Variants in AKAP6 observed in about 807,000 individuals in gnomAD.
AKAP6 encodes the protein A-kinase anchor protein 6.
A neutral mutation model predicts 188.5 loss-of-function variants in AKAP6; 58 were observed. That is an observed-to-expected ratio of 0.31 (90% CI 0.25 to 0.38). The LOEUF (loss-of-function observed/expected upper bound fraction) is 0.38, where lower values mean the gene tolerates loss of function less well. AKAP6 is among the 10% of genes least tolerant of loss of function. The pLI, the probability that AKAP6 is intolerant of heterozygous loss-of-function variation, is 1.00. For missense variants in AKAP6, 2,710 were observed against 2,740.0 expected, an observed-to-expected ratio of 0.99 and a Z score of 0.24; for synonymous variants, 989 against 998.6, an observed-to-expected ratio of 0.99 and a Z score of 0.18.
At chr14:32,714,329 A>G (rs1255258167) in intron 9 of AKAP6, among the ~76,000 whole-genome samples, 1 of 152,092 alleles carries the variant, frequency 6.6e-6, no homozygotes, top group African/African-American at 2.4e-5. Flanking sequence ...AGCACATGCT[A>G]TGGAAAAATT....
intron 2 of AKAP6, among the ~76,000 whole-genome samples, chr14:32,443,157 C>T (rs1053227238): frequency 6.6e-5 from 10 of 152,064 alleles, no homozygotes; most frequent in African/African-American, 1.7e-4. Flanking sequence ...GTACTTTGGG[C>T]GGCCGAGGCA....
In AKAP6 at chr14:32,773,870, C is replaced by T; in HGVS notation, c.3565C>T (p.Gln1189Ter). The change falls in exon 12 of 14, where the codon CAA (glutamine) becomes TAA (stop). Residue 1189 changes from glutamine (Q) to a stop codon, truncating the protein, a stop_gained. Transcript: ENST00000280979. LOFTEE classifies it high-confidence loss of function. ...AGCCGTCCAGTGGCAAACACGTCTA[C>T]AAAAGAAGATGGGAAAGGAATCTGT... ...MQAVQWQTRL[Q>*]KKMGKESETL... is the part of the protein sequence containing the mutation. 1 of 1,613,950 alleles carries T rather than the reference C, an allele frequency of 6.2e-7. No homozygotes were observed. The highest frequency in any genetic ancestry group is 8.5e-7 in the Non-Finnish European group (1 of 1,179,920).
rs75864735 is a variant in AKAP6, at chr14:32,360,592, A to G, written c.-35+31184A>G. 1.5e-3 allele frequency among the ~76,000 whole-genome samples: 221 copies of G among 152,176 alleles called. 1 individual carries two copies. Among genetic ancestry groups the G allele is most frequent in the African/African-American group, 5.0e-3 (207 of 41,504 alleles). On this transcript the variant is annotated intron_variant, in intron 1 of 13. Coordinates refer to ENST00000280979, the MANE Select transcript of AKAP6 (RefSeq NM_004274.5). ...AATTTTTTCACTCCTGCATTTATTT[A>G]TTCAATCGTTTATATCAGTATAGGC...
chr14:32,806,687 C>A (rs567426304), intron 12 of AKAP6, among the ~76,000 whole-genome samples: 29 of 151,818 alleles, frequency 1.9e-4, no homozygotes, highest in African/African-American at 6.3e-4. Flanking sequence ...CCTACACACA[C>A]AAAAAAACTC....
chr14:32,796,980 A>ATG (rs2033787628), intron 12 of AKAP6, among the ~76,000 whole-genome samples: 1 of 152,206 alleles, frequency 6.6e-6, no homozygotes, highest in Non-Finnish European at 1.5e-5. Flanking sequence ...AAAAGTGAGC[A>ATG]AAGGACTCTT....
At chr14:32,808,339 T>C (rs2034141260) in intron 12 of AKAP6, among the ~76,000 whole-genome samples, 1 of 152,214 alleles carries the variant, frequency 6.6e-6, no homozygotes, top group Non-Finnish European at 1.5e-5. Context: ...TATTTCCTGA[T>C]GGAACTTTTA....
intron 12 of AKAP6, among the ~76,000 whole-genome samples, chr14:32,812,702 C>T (rs1448146401): frequency 6.6e-6 from 1 of 152,226 alleles, no homozygotes; most frequent in African/African-American, 2.4e-5. Flanking sequence ...CAAGAATTAA[C>T]TTGCTTAAGA....
chr14:32,730,989 C>G (rs1416873975), intron 9 of AKAP6, among the ~76,000 whole-genome samples: 1 of 152,106 alleles, frequency 6.6e-6, no homozygotes, highest in African/African-American at 2.4e-5. Flanking sequence ...GTATCACAGG[C>G]CAGATTCTAA....
At chr14:32,815,018 C>T (rs934843116) in intron 12 of AKAP6, among the ~76,000 whole-genome samples, 1 of 152,222 alleles carries the variant, frequency 6.6e-6, no homozygotes, top group Non-Finnish European at 1.5e-5. Flanking sequence ...AAGAAAACCC[C>T]TGCTTCCCAT....
chr14:32,677,022 C>T (rs530583626), intron 7 of AKAP6, among the ~76,000 whole-genome samples: 1 of 152,218 alleles, frequency 6.6e-6, no homozygotes, highest in South Asian at 2.1e-4. Flanking sequence ...GACGGGGTTT[C>T]GCCATGTTGG....
chr14:32,486,821 C>G (rs1879720130), intron 2 of AKAP6, among the ~76,000 whole-genome samples: 1 of 152,112 alleles, frequency 6.6e-6, no homozygotes, highest in Admixed American at 6.6e-5. Context: ...TTTCTCTTGC[C>G]TGATTGCCCT....
At chr14:32,699,748 T>G (rs1021533627) in intron 9 of AKAP6, among the ~76,000 whole-genome samples, 3 of 152,228 alleles carry the variant, frequency 2.0e-5, no homozygotes, top group Non-Finnish European at 4.4e-5. Flanking sequence ...TTCTCATTTT[T>G]TCTTCCTCAA....
At chr14:32,359,871 A>G (rs923886754) in intron 1 of AKAP6, among the ~76,000 whole-genome samples, 1 of 152,172 alleles carries the variant, frequency 6.6e-6, no homozygotes, top group African/African-American at 2.4e-5. Context: ...TAGCCATACA[A>G]CATATTACTG....
intron 5 of AKAP6, among the ~76,000 whole-genome samples, chr14:32,585,492 A>G (rs201220704): frequency 1.8e-3 from 266 of 150,846 alleles, no homozygotes; most frequent in African/African-American, 5.9e-3. Flanking sequence ...AACTATATAT[A>G]TGTGTGTGTG....
At chr14:32,754,422 C>T (rs1469580895) in intron 11 of AKAP6, among the ~76,000 whole-genome samples, 1 of 152,108 alleles carries the variant, frequency 6.6e-6, no homozygotes, top group African/African-American at 2.4e-5. Flanking sequence ...GCTGATGTCA[C>T]AATTCACATA....
At chr14:32,413,977 T>G (rs1226051786) in intron 1 of AKAP6, among the ~76,000 whole-genome samples, 2 of 151,068 alleles carry the variant, frequency 1.3e-5, no homozygotes, top group African/African-American at 4.9e-5. Context: ...AGCCTGAAAC[T>G]TAGAGAATGT....
chr14:32,703,611 G>A (rs1469769909), intron 9 of AKAP6, among the ~76,000 whole-genome samples: 5 of 152,176 alleles, frequency 3.3e-5, no homozygotes, highest in Admixed American at 1.3e-4. Flanking sequence ...TAGAACTCAT[G>A]CTTTTAGCAG....
intron 1 of AKAP6, among the ~76,000 whole-genome samples, chr14:32,416,298 G>T (rs553811766): frequency 6.6e-6 from 1 of 152,270 alleles, no homozygotes; most frequent in East Asian, 1.9e-4. Flanking sequence ...TCCCTAATAA[G>T]TGATGTTGAG....
intron 5 of AKAP6, among the ~76,000 whole-genome samples, chr14:32,584,973 A>G (rs1179143514): frequency 6.6e-6 from 1 of 152,194 alleles, no homozygotes; most frequent in Non-Finnish European, 1.5e-5. Context: ...ATATTTGAGT[A>G]GAAGCATAAT....
Sources: allele counts gnomAD v4.1 joint callset (sites outside exome capture counted in the v4.1 genomes callset), GRCh38; gene constraint gnomAD v4.1.1; transcripts MANE v1.5; gene names NCBI Gene and HGNC (gene_info 2026-07-23, HGNC 2026-07-21).